Variants in SHROOM2 observed in about 807,000 individuals in gnomAD.
The protein encoded by SHROOM2 is protein Shroom2.
A neutral mutation model predicts 75.9 loss-of-function variants in SHROOM2; 33 were observed. That is an observed-to-expected ratio of 0.43 (90% CI 0.33 to 0.58). The LOEUF (loss-of-function observed/expected upper bound fraction) is 0.58, where lower values mean the gene tolerates loss of function less well. Among genes scored for constraint, SHROOM2 ranks in the 20% least tolerant of loss-of-function variants. SHROOM2 has a pLI of 0.04. For synonymous variants in SHROOM2, 655 were observed against 663.6 expected (o/e 0.99, Z 0.20); for missense variants, 1,434 against 1,461.2 (o/e 0.98, Z 0.30).
At chrX:9,915,992 C>T (rs1228542820) in intron 5 of SHROOM2, among the ~76,000 whole-genome samples, 1 of 112,143 alleles carries the variant, frequency 8.9e-6, no homozygotes, top group Non-Finnish European at 1.9e-5. Context: ...CAAAATTACT[C>T]CTGATTTTGT....
chrX:9,944,878 A>G lies in SHROOM2; in HGVS notation c.4549A>G (p.Asn1517Asp). The G allele has an allele frequency of 8.3e-7, 1 of 1,208,786 alleles. No homozygotes were observed. The highest frequency in any genetic ancestry group is 3.0e-5 in the East Asian group (1 of 33,758). ...CCTGGCCCGGGTGGAGAATGCCCTCAATAATTTGGACGACGGCGCTTCTCC... is the reference window on the plus strand; with the variant it reads ...CCTGGCCCGGGTGGAGAATGCCCTCGATAATTTGGACGACGGCGCTTCTCC... Reference protein sequence around the residue: ...GRLARVENALNNLDDGASPGD... With the variant: ...GRLARVENALDNLDDGASPGD... The change falls in exon 9 of 10, where the codon AAT becomes GAT. Residue 1517 changes from asparagine (N) to aspartate (D), a missense_variant. This residue lies in a region of SHROOM2 where 14 missense variants were observed against 34.5 expected (regional missense o/e 0.41). Coordinates refer to ENST00000380913, the MANE Select transcript of SHROOM2 (RefSeq NM_001649.4).
At chrX:9,836,378 T>C (rs966361238) in intron 1 of SHROOM2, among the ~76,000 whole-genome samples, 1 of 111,014 alleles carries the variant, frequency 9.0e-6, no homozygotes, top group Non-Finnish European at 1.9e-5. Flanking sequence ...TGGAGGTTTC[T>C]AAGAACATTT....
At chrX:9,829,704 C>A (rs753536999) in intron 1 of SHROOM2, among the ~76,000 whole-genome samples, 1 of 112,229 alleles carries the variant, frequency 8.9e-6, no homozygotes, top group African/African-American at 3.2e-5. Context: ...AGGTGACTCA[C>A]AAGCGAAGGT....
At chrX:9,939,689 T>G (rs4830678) in intron 8 of SHROOM2, among the ~76,000 whole-genome samples, 29,535 of 111,604 alleles carry the variant, frequency 0.26, 3,575 homozygotes, top group East Asian at 0.55. Context: ...CGTGCAGGCT[T>G]GAGTGCAATG....
At chrX:9,914,033 C>A (rs906834340) in intron 5 of SHROOM2, among the ~76,000 whole-genome samples, 6 of 108,305 alleles carry the variant, frequency 5.5e-5, no homozygotes, top group Non-Finnish European at 1.1e-4. Context: ...TTGTCCCTTT[C>A]TGTTTCTCCG....
In SHROOM2 at chrX:9,894,718, C is replaced by T; in HGVS notation, c.810C>T (p.Pro270=). The change falls in exon 4 of 10, where the codon CCC becomes CCT. Residue 270 remains proline, a synonymous_variant. Coordinates refer to ENST00000380913, the MANE Select transcript of SHROOM2 (RefSeq NM_001649.4). ...AGGAGAAGCTCAGTTGTTTCCCGCCCAGGGTCCCCGGTGACAGCGGCAAAG... is the reference window on the plus strand; with the variant it reads ...AGGAGAAGCTCAGTTGTTTCCCGCCTAGGGTCCCCGGTGACAGCGGCAAAG... ...GSEEKLSCFP[P]RVPGDSGKGP... 2.5e-6 allele frequency: 3 copies of T among 1,211,114 alleles called. No individual in the cohort carries two copies. The highest frequency in any genetic ancestry group is 3.4e-6 in the Non-Finnish European group (3 of 895,048).
At chrX:9,919,166 G>A (rs1413047374) in intron 5 of SHROOM2, among the ~76,000 whole-genome samples, 2 of 110,842 alleles carry the variant, frequency 1.8e-5, no homozygotes, top group African/African-American at 6.6e-5. Context: ...GGTGAGCACA[G>A]TCGTTTCAGC....
intron 1 of SHROOM2, among the ~76,000 whole-genome samples, chrX:9,858,438 A>G (rs2084084663): frequency 8.9e-6 from 1 of 112,437 alleles, no homozygotes; most frequent in Admixed American, 9.4e-5. Flanking sequence ...CACTTTGAAA[A>G]TGCAAAATTA....
At chrX:9,935,999 G>C (rs1411613188) in intron 6 of SHROOM2, among the ~76,000 whole-genome samples, 3 of 111,555 alleles carry the variant, frequency 2.7e-5, no homozygotes, top group Non-Finnish European at 5.6e-5. Flanking sequence ...GGCTGCCCCA[G>C]ACAAGGGACT....
chrX:9,837,204 C>G (rs1473201610), intron 1 of SHROOM2, among the ~76,000 whole-genome samples: 1 of 112,573 alleles, frequency 8.9e-6, no homozygotes, highest in Non-Finnish European at 1.9e-5. Flanking sequence ...GGTCTCGGCT[C>G]TGGAAGTGAC....
At chrX:9,913,529 C>G (rs185192789) in intron 5 of SHROOM2, among the ~76,000 whole-genome samples, 2 of 112,339 alleles carry the variant, frequency 1.8e-5, no homozygotes, top group East Asian at 5.5e-4. Flanking sequence ...AATGCCTTTG[C>G]TTTACTAAAG....
At chrX:9,795,421 T>C (rs2083690184) in intron 1 of SHROOM2, among the ~76,000 whole-genome samples, 1 of 112,625 alleles carries the variant, frequency 8.9e-6, no homozygotes, top group African/African-American at 3.2e-5. Flanking sequence ...TTAAAATTTG[T>C]TTCTCAAATG....
chrX:9,935,511 A>G (rs1319981892), intron 6 of SHROOM2, among the ~76,000 whole-genome samples: 1 of 110,545 alleles, frequency 9.0e-6, no homozygotes, highest in Non-Finnish European at 1.9e-5. Flanking sequence ...GACCTATCTA[A>G]ATGGTATTTT....
intron 1 of SHROOM2, among the ~76,000 whole-genome samples, chrX:9,849,146 G>A (rs972535106): frequency 8.9e-6 from 1 of 111,764 alleles, no homozygotes; most frequent in Non-Finnish European, 1.9e-5. Flanking sequence ...TTTGGCAGAT[G>A]GTGTAGGAGT....
chrX:9,804,069 C>T (rs2083738748), intron 1 of SHROOM2, among the ~76,000 whole-genome samples: 1 of 111,631 alleles, frequency 9.0e-6, no homozygotes, highest in African/African-American at 3.3e-5. Flanking sequence ...CTAGATCGTG[C>T]CCGGGTTGGG....
chrX:9,855,818 G>A (rs1362504008), intron 1 of SHROOM2, among the ~76,000 whole-genome samples: 2 of 111,301 alleles, frequency 1.8e-5, no homozygotes, highest in Non-Finnish European at 3.8e-5. Context: ...ACTCAGTGTT[G>A]TGGCAGATGG....
chrX:9,944,257 T>C (rs1413897566), intron 8 of SHROOM2, among the ~76,000 whole-genome samples: 1 of 112,158 alleles, frequency 8.9e-6, no homozygotes, highest in Non-Finnish European at 1.9e-5. Context: ...TAAGACTCAC[T>C]ACTTTCTCTC....
rs765486446 is a variant in SHROOM2, at chrX:9,932,553, C to T, written c.3270C>T (p.Leu1090=). The T allele has an allele frequency of 1.2e-5, 15 of 1,209,858 alleles. No homozygotes were observed. Among genetic ancestry groups the T allele is most frequent in the African/African-American group, 3.5e-5 (2 of 57,337 alleles). The change falls in exon 6 of 10, where the codon CTC becomes CTT. Residue 1090 remains leucine (L), a synonymous_variant. Coordinates refer to ENST00000380913, the MANE Select transcript of SHROOM2 (RefSeq NM_001649.4). ...CTGCTGACGCCCCCGTGGGCGTCCT[C>T]GGCAGGCCCTTCCCAACGCCATCCC... ...GAPADAPVGV[L]GRPFPTPSPA... is the part of the protein sequence containing the mutation.
At chrX:9,916,572 C>T (rs1333759203) in intron 5 of SHROOM2, among the ~76,000 whole-genome samples, 1 of 112,056 alleles carries the variant, frequency 8.9e-6, no homozygotes, top group Non-Finnish European at 1.9e-5. Context: ...GGGCACCGAT[C>T]GCCCAGGACA....
Sources: gnomAD v4.1 joint callset for allele counts (sites outside exome capture counted in the v4.1 genomes callset) on GRCh38, gnomAD v4.1.1 for gene constraint, gnomAD v4.1.1 regional missense constraint, MANE v1.5 for transcripts, NCBI Gene and HGNC (gene_info 2026-07-23, HGNC 2026-07-21) for gene names.